The following EYA2 variants were observed in gnomAD, a reference collection of about 807,000 sequenced individuals.
EYA2 encodes the protein EYA transcriptional coactivator and phosphatase 2.
EYA2 carries 31 observed loss-of-function variants against 69.2 expected under a neutral mutation model. That is an observed-to-expected ratio of 0.45 (90% CI 0.34 to 0.60). The LOEUF is 0.60. EYA2 is among the 20% of genes least tolerant of loss of function. EYA2 has a pLI of 0.02. For missense variants in EYA2, 622 were observed against 701.2 expected (o/e 0.89, Z 1.28); for synonymous variants, 257 against 279.4 (o/e 0.92, Z 0.80).
At chr20:46,910,098 T>C (rs1984569932) in intron 1 of EYA2, among the ~76,000 whole-genome samples, 1 of 152,204 alleles carries the variant, frequency 6.6e-6, no homozygotes, top group African/African-American at 2.4e-5. Flanking sequence ...TGCACTGCTA[T>C]AAAGAAATAC....
chr20:47,097,657 A>ATT (rs2032293374), intron 9 of EYA2, among the ~76,000 whole-genome samples: 1 of 152,208 alleles, frequency 6.6e-6, no homozygotes. Flanking sequence ...TCATCAACAA[A>ATT]TTATGTCGGG....
intron 1 of EYA2, among the ~76,000 whole-genome samples, chr20:46,961,592 C>G (rs1337387371): frequency 2.6e-5 from 4 of 152,160 alleles, no homozygotes; most frequent in African/African-American, 9.7e-5. Context: ...ACGCTATTCA[C>G]AATAGCCCAG....
intron 9 of EYA2, among the ~76,000 whole-genome samples, chr20:47,134,430 G>A (rs189434542): frequency 1.1e-3 from 167 of 152,276 alleles, no homozygotes; most frequent in African/African-American, 3.8e-3. Flanking sequence ...AATATAAACA[G>A]TAGCTATTAT....
At chr20:47,036,798 T>C (rs558095592) in intron 5 of EYA2, among the ~76,000 whole-genome samples, 3 of 152,294 alleles carry the variant, frequency 2.0e-5, no homozygotes, top group African/African-American at 7.2e-5. Context: ...GTTCAGAATG[T>C]GGCCACTGAA....
intron 9 of EYA2, among the ~76,000 whole-genome samples, chr20:47,130,652 A>G (rs559359210): frequency 6.6e-6 from 1 of 152,346 alleles, no homozygotes; most frequent in East Asian, 1.9e-4. Context: ...GGAGTCTGAT[A>G]CTACCACCCA....
intron 1 of EYA2, among the ~76,000 whole-genome samples, chr20:46,983,874 T>C (rs1981002148): frequency 6.6e-6 from 1 of 152,172 alleles, no homozygotes; most frequent in Non-Finnish European, 1.5e-5. Context: ...GTTTTTCATC[T>C]CTCTGGGATC....
At chr20:46,987,286 G>A (rs754679256) in intron 1 of EYA2, among the ~76,000 whole-genome samples, 7 of 152,152 alleles carry the variant, frequency 4.6e-5, no homozygotes, top group Admixed American at 1.3e-4. Flanking sequence ...TATGAATTTC[G>A]TGTCATTTTC....
At chr20:47,187,205 C>CA (rs113913103) in intron 15 of EYA2, among the ~76,000 whole-genome samples, 12,845 of 151,766 alleles carry the variant, frequency 0.085, 1,803 homozygotes, top group African/African-American at 0.29. Flanking sequence ...CCTATCTCTA[C>CA]AAAAAATACA....
intron 8 of EYA2, among the ~76,000 whole-genome samples, chr20:47,091,687 T>C (rs1471931944): frequency 1.3e-5 from 2 of 151,694 alleles, no homozygotes; most frequent in Non-Finnish European, 2.9e-5. Flanking sequence ...AGAGGCTGCG[T>C]TGAGCCATGA....
chr20:47,096,599 CT>C (rs1156901255), intron 8 of EYA2, among the ~76,000 whole-genome samples: 1 of 152,154 alleles, frequency 6.6e-6, no homozygotes, highest in Non-Finnish European at 1.5e-5. Context: ...GAGTTAAACC[CT>C]CATCTTTTAA....
At chr20:46,965,877 G>A (rs920694700) in intron 1 of EYA2, among the ~76,000 whole-genome samples, 13 of 152,214 alleles carry the variant, frequency 8.5e-5, no homozygotes, top group Non-Finnish European at 1.5e-4. Flanking sequence ...CCTGGCTGTC[G>A]CGGATGCTTC....
intron 1 of EYA2, among the ~76,000 whole-genome samples, chr20:46,926,433 G>A (rs564092677): frequency 3.9e-5 from 6 of 152,200 alleles, no homozygotes; most frequent in Non-Finnish European, 8.8e-5. Context: ...CAGTTCAAGG[G>A]CAGGGGAAGA....
Position 47,166,393 on chromosome 20 carries a change from T to TTAAAAAAAAAAA in EYA2, c.979-2746_979-2745insTAAAAAAAAAAA, listed in dbSNP as rs1555806208. Among the ~76,000 whole-genome samples the TTAAAAAAAAAAA allele has an allele frequency of 2.3e-3, 79 of 34,524 alleles. 11 individuals are homozygous for TTAAAAAAAAAAA. The highest frequency in any genetic ancestry group is 3.2e-3 in the Non-Finnish European group (46 of 14,304). The allele number at this position is 34,524 out of a possible 152,430, so 22.6% of individuals were successfully genotyped here. On this transcript the variant is annotated intron_variant, in intron 10 of 15. Coordinates refer to ENST00000327619, the MANE Select transcript of EYA2 (RefSeq NM_005244.5). The stretch of plus-strand genomic sequence containing the variant: ...GCTTGGGTGACAGAGCAAGACTGTC[T>TTAAAAAAAAAAA]AAAAAAAAAAAAAAAAAAAAAAAAA...
At chr20:46,943,018 G>T (rs916550829) in intron 1 of EYA2, among the ~76,000 whole-genome samples, 1 of 152,130 alleles carries the variant, frequency 6.6e-6, no homozygotes, top group African/African-American at 2.4e-5. Context: ...TGCCCGCCTC[G>T]GCCTCCCAAA....
At chr20:47,123,642 T>G (rs1055489414) in intron 9 of EYA2, among the ~76,000 whole-genome samples, 1 of 152,126 alleles carries the variant, frequency 6.6e-6, no homozygotes, top group Non-Finnish European at 1.5e-5. Context: ...ATGTTATAGA[T>G]TAGAATTTCA....
intron 10 of EYA2, among the ~76,000 whole-genome samples, chr20:47,147,745 A>C (rs551895679): frequency 6.6e-6 from 1 of 152,210 alleles, no homozygotes; most frequent in South Asian, 2.1e-4. Flanking sequence ...CAGGGGAAAG[A>C]ATCTGTGGGG....
chr20:46,997,056 C>A (rs1982071514), intron 2 of EYA2, among the ~76,000 whole-genome samples: 1 of 152,116 alleles, frequency 6.6e-6, no homozygotes, highest in African/African-American at 2.4e-5. Flanking sequence ...TTTCCCCCCA[C>A]AAAGCGGGAT....
At chr20:46,942,845 A>G (rs556808021) in intron 1 of EYA2, among the ~76,000 whole-genome samples, 7 of 152,096 alleles carry the variant, frequency 4.6e-5, no homozygotes, top group Non-Finnish European at 7.4e-5. Context: ...GGCTCACTAC[A>G]ACCTCCTCCT....
intron 9 of EYA2, among the ~76,000 whole-genome samples, chr20:47,112,418 TG>T (rs2032771428): frequency 6.6e-6 from 1 of 152,208 alleles, no homozygotes; most frequent in Admixed American, 6.5e-5. Context: ...ACAAGCCTTG[TG>T]GAACTTTTTG....
Sources: gnomAD v4.1 joint callset for allele counts (sites outside exome capture counted in the v4.1 genomes callset) on GRCh38, gnomAD v4.1.1 for gene constraint, MANE v1.5 for transcripts, NCBI Gene and HGNC (gene_info 2026-07-23, HGNC 2026-07-21) for gene names.